The following LDHAL6A variants were observed in gnomAD, a reference collection of about 807,000 sequenced individuals.
The protein encoded by LDHAL6A is lactate dehydrogenase A like 6A, also known as L-lactate dehydrogenase A-like 6A.
LDHAL6A carries 19 observed loss-of-function variants against 28.2 expected under a neutral mutation model. The ratio of observed to expected loss-of-function variants is 0.67; its 90% CI spans 0.47 to 0.99. The LOEUF (loss-of-function observed/expected upper bound fraction) is 0.99. LDHAL6A is among the 50% of genes least tolerant of loss of function. The pLI is 0.00. For synonymous variants in LDHAL6A, 144 were observed against 134.4 expected (o/e 1.07, Z -0.49); for missense variants, 372 against 398.6 (o/e 0.93, Z 0.57).
rs181999022 is a variant in LDHAL6A at position 18,474,136 on chromosome 11, A to G, written c.419-1330A>G. On this transcript the variant is annotated intron_variant, in intron 3 of 6. Coordinates refer to ENST00000280706, the MANE Select transcript of LDHAL6A (RefSeq NM_144972.5). Reference sequence around the variant, plus strand: ...GCTCTGTCGCCCAGGCTGGAGTGCAATGGTGTGATCTCGGCTCACTGCAAC... The same window carrying G: ...GCTCTGTCGCCCAGGCTGGAGTGCAGTGGTGTGATCTCGGCTCACTGCAAC... 4.3e-3 allele frequency among the ~76,000 whole-genome samples: 644 copies of G among 151,278 alleles called. 2 individuals carry two copies. The highest frequency in any genetic ancestry group is 0.027 in the Middle Eastern group (8 of 292).
intron 3 of LDHAL6A, among the ~76,000 whole-genome samples, chr11:18,467,884 T>TATATATAA: frequency 2.5e-5 from 1 of 40,544 alleles, no homozygotes; most frequent in Non-Finnish European, 3.8e-5. Context: ...TACACACATA[T>TATATATAA]ATATATATAT....
At chr11:18,462,762 A>T (rs577789663) in intron 1 of LDHAL6A, among the ~76,000 whole-genome samples, 1 of 150,214 alleles carries the variant, frequency 6.7e-6, no homozygotes, top group Non-Finnish European at 1.5e-5. Flanking sequence ...GAACCCAGGA[A>T]GCGGAGGTGG....
chr11:18,456,566 G>C lies in LDHAL6A; in HGVS notation c.-115G>C, dbSNP rs896787283. ...GTGTCTGCAGCACCTCCTTCCACAC[G>C]GGCCCAGGAGTTCTCTATACGCGCT... On this transcript the variant is annotated 5_prime_UTR_variant, in exon 1 of 7. Transcript: ENST00000280706. 1.4e-5 allele frequency: 10 copies of C among 721,356 alleles called. No individual in the cohort carries two copies. The Admixed American group carries it at 3.8e-4, about 27-fold the overall frequency. The allele number at this position is 721,356 out of a possible 1,614,324, so 44.7% of individuals were successfully genotyped here.
intron 1 of LDHAL6A, among the ~76,000 whole-genome samples, chr11:18,458,250 G>A (rs1386641750): frequency 6.6e-6 from 1 of 152,168 alleles, no homozygotes; most frequent in Admixed American, 6.5e-5. Context: ...TGGAGGTGGT[G>A]GATAGGAGTA....
At chr11:18,474,881 A>G (rs911810635) in intron 3 of LDHAL6A, among the ~76,000 whole-genome samples, 21 of 152,156 alleles carry the variant, frequency 1.4e-4, no homozygotes, top group African/African-American at 4.8e-4. Flanking sequence ...GCTTCCTTCT[A>G]TTTTATGGTT....
intron 3 of LDHAL6A, among the ~76,000 whole-genome samples, chr11:18,469,579 TAAA>T (rs1011537687): frequency 1.3e-5 from 2 of 152,096 alleles, no homozygotes; most frequent in Non-Finnish European, 2.9e-5. Flanking sequence ...TAAGGAAAAA[TAAA>T]AAAATCTCAA....
At chr11:18,477,485 C>A in intron 5 of LDHAL6A, 135 bp from the exon 6 acceptor site, 1 of 738,664 alleles carries the variant, frequency 1.4e-6, no homozygotes, top group Non-Finnish European at 2.1e-6. Flanking sequence ...AAAATGCATA[C>A]ATACTACAAG....
In LDHAL6A at chr11:18,462,651, C is replaced by CAA. The variant is rs1306112384; in HGVS notation, c.127-1308_127-1307dup. Among the ~76,000 whole-genome samples the CAA allele has an allele frequency of 3.7e-5, 2 of 54,402 alleles. 1 individual carries two copies. The highest frequency in any genetic ancestry group is 2.4e-4 in the African/African-American group (2 of 8,396). 35.7% of individuals were successfully genotyped at this position (54,402 alleles called of 152,430 possible). Reference sequence around the variant, plus strand: ...GACTCTGTCTCAAAAAACAAACAAACAAACAAAAAAAAAAACAAAAAAAAC... The same window carrying CAA: ...GACTCTGTCTCAAAAAACAAACAAACAAAAACAAAAAAAAAAACAAAAAAAAC... On this transcript the variant is annotated intron_variant, in intron 1 of 6. Transcript: ENST00000280706.
chr11:18,477,739 G>T lies in LDHAL6A; in HGVS notation c.830G>T (p.Ser277Ile). Residue 277 changes from serine (S) to isoleucine (I), a missense_variant, in exon 6 of 7, where the codon AGT (serine) becomes ATT (isoleucine). Transcript: ENST00000280706. Reference protein sequence around the residue: ...LRRVHPVSTLSKGLYGINEDI... With the variant: ...LRRVHPVSTLIKGLYGINEDI... ...AGAGTGCATCCAGTTTCTACCCTAA[G>T]TAAGGTAGGACATTCATGTTCGAAA... 6.2e-7 allele frequency: 1 copy of T among 1,601,928 alleles called. No homozygotes were observed.
At chr11:18,456,916 G>A (rs894845151) in intron 1 of LDHAL6A, 110 bp downstream of exon 1, 27 of 1,161,322 alleles carry the variant, frequency 2.3e-5, no homozygotes, top group Non-Finnish European at 4.7e-6. Context: ...GAGCCAGTGT[G>A]AGGGGCATCA....
In LDHAL6A at chr11:18,456,406, CCTCT is replaced by C. The variant is rs35039697; in HGVS notation, c.-264_-261del. The C allele has an allele frequency of 9.7e-5, 32 of 331,268 alleles. No individual in the cohort carries two copies. Among genetic ancestry groups the C allele is most frequent in the Middle Eastern group, 8.9e-4 (1 of 1,120 alleles). 20.5% of individuals were successfully genotyped at this position (331,268 alleles called of 1,614,324 possible). On this transcript the variant is annotated 5_prime_UTR_variant, in exon 1 of 7. An upstream open reading frame in the 5' UTR loses its in-frame stop. Coordinates refer to ENST00000280706, the MANE Select transcript of LDHAL6A (RefSeq NM_144972.5). ...TTGGTGGAGCAACCCCTGTTCCTTT[CCTCT>C]CTCTCTCTCTTAATTCCTCTTAACT...
chr11:18,469,307 A>T, intron 3 of LDHAL6A: 2 of 483,766 alleles, frequency 4.1e-6, no homozygotes, highest in South Asian at 7.0e-5. Flanking sequence ...CTACCCTCAA[A>T]GTACCGCGTC....
chr11:18,475,879 TTAAA>T (rs1203076653), intron 4 of LDHAL6A, among the ~76,000 whole-genome samples: 1 of 152,212 alleles, frequency 6.6e-6, no homozygotes, highest in Non-Finnish European at 1.5e-5. Flanking sequence ...AACGCTTTTC[TTAAA>T]TAGAGAACTA....
At chr11:18,477,141 G>C (rs900890103) in intron 5 of LDHAL6A, among the ~76,000 whole-genome samples, 1 of 151,628 alleles carries the variant, frequency 6.6e-6, no homozygotes, top group Admixed American at 6.6e-5. Context: ...CACTCCAGCT[G>C]AGACCCTCTC....
intron 3 of LDHAL6A, chr11:18,469,177 A>T (rs1265901280): frequency 1.6e-6 from 1 of 637,582 alleles, no homozygotes; most frequent in Middle Eastern, 2.4e-4. Flanking sequence ...CACCTGGTGG[A>T]GCTCCTTCAT....
intron 2 of LDHAL6A, among the ~76,000 whole-genome samples, chr11:18,464,977 G>GTTTTTTTTGTTTTTTTTTTTTTTT (rs1849016188): frequency 1.0e-4 from 13 of 125,538 alleles, no homozygotes; most frequent in Non-Finnish European, 1.2e-4. Context: ...TGTTTTTTTT[G>GTTTTTTTTGTTTTTTTTTTTTTTT]TTTTTTTTTG....
intron 3 of LDHAL6A, among the ~76,000 whole-genome samples, chr11:18,471,052 A>G (rs182900465): frequency 1.7e-4 from 26 of 152,266 alleles, no homozygotes; most frequent in Non-Finnish European, 3.2e-4. Context: ...CTTTTAGTTT[A>G]TATATGATAT....
intron 1 of LDHAL6A, among the ~76,000 whole-genome samples, chr11:18,457,267 A>G (rs1848784369): frequency 6.6e-6 from 1 of 152,060 alleles, no homozygotes; most frequent in African/African-American, 2.4e-5. Context: ...ATGTTAGGTT[A>G]GTTTTAGTGT....
Position 18,476,392 on chromosome 11 carries a change from T to G in LDHAL6A, c.601T>G (p.Trp201Gly). 1.2e-6 allele frequency: 2 copies of G among 1,613,412 alleles called. No homozygotes were observed. The highest frequency in any genetic ancestry group is 1.1e-5 in the South Asian group (1 of 90,948). Reference protein sequence around the residue: ...GEHGDSSVPVWSGVNIAGVPL... With the variant: ...GEHGDSSVPVGSGVNIAGVPL... Reference sequence around the variant, plus strand: ...GGGTGTCTCTTTCTTAGTTCCTGTGTGGAGTGGTGTGAACATTGCTGGCGT... The same window carrying G: ...GGGTGTCTCTTTCTTAGTTCCTGTGGGGAGTGGTGTGAACATTGCTGGCGT... Residue 201 changes from tryptophan (W) to glycine (G), a missense_variant, in exon 5 of 7, where the codon TGG (tryptophan) becomes GGG (glycine). Physicochemically the swap from Trp to Gly is radical, Grantham distance 184. Around this residue, in one of 3 missense-constraint regions of LDHAL6A, gnomAD observed 291 missense variants for 302.9 expected, o/e 0.96. Coordinates refer to ENST00000280706, the MANE Select transcript of LDHAL6A (RefSeq NM_144972.5).
Sources: allele counts gnomAD v4.1 joint callset (sites outside exome capture counted in the v4.1 genomes callset), GRCh38; gene constraint gnomAD v4.1.1; regional missense constraint gnomAD v4.1.1; transcripts MANE v1.5; gene names NCBI Gene and HGNC (gene_info 2026-07-23, HGNC 2026-07-21).